The following CSGALNACT1 variants were observed in gnomAD, a reference collection of about 807,000 sequenced individuals.
CSGALNACT1 encodes beta4GalNAcT-1.
In CSGALNACT1, 52 loss-of-function variants were observed where a neutral mutation model predicts 51.0. The ratio of observed to expected loss-of-function variants is 1.02; its 90% CI spans 0.82 to 1.29. The LOEUF (loss-of-function observed/expected upper bound fraction) is 1.29. CSGALNACT1 is among the 50% of genes most tolerant of loss of function. The pLI is 0.00. For synonymous variants in CSGALNACT1, 341 were observed against 254.4 expected (o/e 1.34, Z -3.24); for missense variants, 935 against 679.2 (o/e 1.38, Z -4.19).
intron 3 of CSGALNACT1, among the ~76,000 whole-genome samples, chr8:19,584,011 G>A (rs1588681486): frequency 6.6e-6 from 1 of 152,156 alleles, no homozygotes; most frequent in Non-Finnish European, 1.5e-5. Flanking sequence ...CACAAACTGG[G>A]CCACATCTAA....
chr8:19,614,965 C>T (rs2154155134), intron 1 of CSGALNACT1, among the ~76,000 whole-genome samples: 1 of 152,284 alleles, frequency 6.6e-6, no homozygotes, highest in East Asian at 1.9e-4. Context: ...CAATTTTAAA[C>T]AAGTGTTGAA....
intron 6 of CSGALNACT1, among the ~76,000 whole-genome samples, chr8:19,435,878 G>GCACA (rs143530653): frequency 6.6e-6 from 1 of 151,638 alleles, no homozygotes; most frequent in East Asian, 1.9e-4. Context: ...TCCTTATGCA[G>GCACA]CACACACACA....
At position 19,572,115 on chromosome 8, in the gene CSGALNACT1, G is replaced by T. The variant is rs143836303; in HGVS notation, c.-297+19045C>A. Among the ~76,000 whole-genome samples the T allele has an allele frequency of 5.6e-4, 85 of 152,222 alleles. 1 individual carries two copies. Among genetic ancestry groups the T allele is most frequent in the African/African-American group, 1.9e-3 (78 of 41,548 alleles). ...CTGCCAGTCAACCAGAAAAACATCG[G>T]CAACAACAACAAAAATATTTACATA... On this transcript the variant is annotated intron_variant, in intron 3 of 9. Transcript: ENST00000454498.
At chr8:19,613,034 T>C (rs2052509448) in intron 1 of CSGALNACT1, among the ~76,000 whole-genome samples, 1 of 149,158 alleles carries the variant, frequency 6.7e-6, no homozygotes, top group Non-Finnish European at 1.5e-5. Context: ...TCATGAATTT[T>C]CATATCCATA....
chr8:19,715,217 G>C (rs545150781), intron 1 of CSGALNACT1, among the ~76,000 whole-genome samples: 3 of 152,190 alleles, frequency 2.0e-5, no homozygotes, highest in Non-Finnish European at 4.4e-5. Flanking sequence ...AACAGTATGG[G>C]GGAAACTGCC....
intron 4 of CSGALNACT1, among the ~76,000 whole-genome samples, chr8:19,479,056 G>A (rs112873152): frequency 2.0e-5 from 3 of 152,292 alleles, no homozygotes; most frequent in South Asian, 4.1e-4. Context: ...AACACCAAAG[G>A]TTACATGGTC....
chr8:19,718,996 C>T (rs2062966819), intron 1 of CSGALNACT1, among the ~76,000 whole-genome samples: 1 of 152,206 alleles, frequency 6.6e-6, no homozygotes, highest in African/African-American at 2.4e-5. Context: ...AACCATCTAT[C>T]TCTGTCTTGT....
chr8:19,720,351 C>G (rs773173367), intron 1 of CSGALNACT1, among the ~76,000 whole-genome samples: 7 of 152,216 alleles, frequency 4.6e-5, no homozygotes, highest in African/African-American at 1.7e-4. Flanking sequence ...ATAAGAAACT[C>G]GGAGGAATAA....
chr8:19,475,861 G>T (rs953391943), intron 4 of CSGALNACT1, among the ~76,000 whole-genome samples: 1 of 152,212 alleles, frequency 6.6e-6, no homozygotes, highest in Non-Finnish European at 1.5e-5. Context: ...GAGAAAGAGA[G>T]AACTGAATTT....
At chr8:19,514,475 C>CTATATATATATATATATATATATATATA (rs33928915) in intron 3 of CSGALNACT1, among the ~76,000 whole-genome samples, 4 of 78,816 alleles carry the variant, frequency 5.1e-5, no homozygotes, top group South Asian at 4.9e-4. Flanking sequence ...TGAACAGAGA[C>CTATATATATATATATATATATATATATA]TATATATATA....
chr8:19,708,329 C>T (rs1372039361), intron 1 of CSGALNACT1, among the ~76,000 whole-genome samples: 7 of 152,296 alleles, frequency 4.6e-5, no homozygotes, highest in Admixed American at 3.3e-4. Context: ...TGCCCATCAG[C>T]GTGAGGTATT....
intron 1 of CSGALNACT1, among the ~76,000 whole-genome samples, chr8:19,727,605 C>A (rs139212923): frequency 7.7e-4 from 117 of 152,290 alleles, no homozygotes; most frequent in African/African-American, 2.7e-3. Context: ...ACCGCCTCAA[C>A]CTCCCAAGGG....
chr8:19,683,601 C>A (rs1315111910), upstream of CSGALNACT1, among the ~76,000 whole-genome samples: 1 of 151,978 alleles, frequency 6.6e-6, no homozygotes, highest in Admixed American at 6.6e-5. Flanking sequence ...CAAAAACACA[C>A]AAAAAATACC....
At chr8:19,583,744 A>T (rs1247662604) in intron 3 of CSGALNACT1, among the ~76,000 whole-genome samples, 4 of 152,210 alleles carry the variant, frequency 2.6e-5, no homozygotes, top group African/African-American at 7.2e-5. Context: ...TCTTCTTCTC[A>T]CTGCTACCTT....
chr8:19,528,299 C>T (rs1427209833), intron 3 of CSGALNACT1, among the ~76,000 whole-genome samples: 2 of 151,982 alleles, frequency 1.3e-5, no homozygotes, highest in African/African-American at 4.8e-5. Context: ...AAGCAAGCAG[C>T]CCTTGATATT....
chr8:19,627,189 T>G (rs2054563643), intron 1 of CSGALNACT1, among the ~76,000 whole-genome samples: 1 of 152,142 alleles, frequency 6.6e-6, no homozygotes, highest in South Asian at 2.1e-4. Context: ...ATCCATCCAT[T>G]TAATGGCATA....
intron 5 of CSGALNACT1, among the ~76,000 whole-genome samples, chr8:19,449,390 A>G (rs1021466184): frequency 2.6e-5 from 4 of 152,204 alleles, no homozygotes; most frequent in Non-Finnish European, 5.9e-5. Flanking sequence ...GGAGAACTAG[A>G]CTATGCAAAA....
intron 5 of CSGALNACT1, among the ~76,000 whole-genome samples, chr8:19,441,072 T>C (rs1349158235): frequency 6.6e-6 from 1 of 152,076 alleles, no homozygotes; most frequent in African/African-American, 2.4e-5. Context: ...TAAAAGAGGA[T>C]ACAACCAAAT....
chr8:19,453,605 A>G (rs897995735), intron 5 of CSGALNACT1, among the ~76,000 whole-genome samples: 2 of 152,210 alleles, frequency 1.3e-5, no homozygotes, highest in African/African-American at 4.8e-5. Context: ...ACTACAGGAA[A>G]ATCAGTTAAA....
Sources: gnomAD v4.1 joint callset for allele counts (sites outside exome capture counted in the v4.1 genomes callset) on GRCh38, gnomAD v4.1.1 for gene constraint, MANE v1.5 for transcripts, NCBI Gene and HGNC (gene_info 2026-07-23, HGNC 2026-07-21) for gene names.